RASA2: variants seen among roughly 807,000 people sequenced by gnomAD.
The protein encoded by RASA2 is ras GTPase-activating protein 2.
Under a neutral mutation model 118.2 loss-of-function variants are expected in RASA2, and 155 were observed. The observed-to-expected ratio is 1.31, with a 90% CI of 1.15 to 1.50. RASA2 has a LOEUF of 1.50. RASA2 is among the 40% of genes most tolerant of loss of function. RASA2 has a pLI of 0.00. For missense variants in RASA2, 1,016 were observed against 1,009.6 expected (o/e 1.01, Z -0.09); for synonymous variants, 353 against 349.1 (o/e 1.01, Z -0.12).
chr3:141,514,184 T>C (rs1242017785), intron 2 of RASA2, among the ~76,000 whole-genome samples: 2 of 152,174 alleles, frequency 1.3e-5, no homozygotes, highest in Non-Finnish European at 2.9e-5. Flanking sequence ...ATCCAGAATT[T>C]ATTTAAAAAC....
At position 141,570,908 on chromosome 3, in the gene RASA2, T is replaced by C. The variant is rs201768884; in HGVS notation, c.864-4T>C. ...ACATGGAATCACTTATATTTTTACT[T>C]TAGGTACTTGCTACAGCCAAGAGAC... is the stretch of plus-strand genomic sequence containing the variant. On this transcript the variant is annotated splice_polypyrimidine_tract_variant and splice_region_variant and intron_variant, in intron 9 of 23. Coordinates refer to ENST00000286364, the MANE Select transcript of RASA2 (RefSeq NM_006506.5). 2 of 1,600,698 alleles carry C rather than the reference T, an allele frequency of 1.2e-6. No homozygotes were observed. The highest frequency in any genetic ancestry group is 1.7e-6 in the Non-Finnish European group (2 of 1,175,586).
intron 3 of RASA2, among the ~76,000 whole-genome samples, chr3:141,524,748 G>A (rs546591228): frequency 5.5e-4 from 84 of 151,984 alleles, no homozygotes; most frequent in Admixed American, 2.0e-3. Flanking sequence ...ACACTGCCAC[G>A]CTCGGCTAAT....
intron 5 of RASA2, among the ~76,000 whole-genome samples, chr3:141,548,880 GTTCTCATCA>G (rs2082528116): frequency 6.6e-6 from 1 of 151,984 alleles, no homozygotes; most frequent in Non-Finnish European, 1.5e-5. Context: ...CTCCCCTATT[GTTCTCATCA>G]TTCTTATTTA....
intron 1 of RASA2, among the ~76,000 whole-genome samples, chr3:141,511,168 A>T (rs899303152): frequency 6.6e-6 from 1 of 152,108 alleles, no homozygotes; most frequent in African/African-American, 2.4e-5. Flanking sequence ...AGTAAGAGAG[A>T]AAAATGGTAG....
intron 5 of RASA2, among the ~76,000 whole-genome samples, chr3:141,543,057 A>T (rs1234282852): frequency 6.6e-6 from 1 of 151,938 alleles, no homozygotes; most frequent in African/African-American, 2.4e-5. Context: ...TATTAGGCTT[A>T]AATATGCCAT....
chr3:141,602,812 C>T (rs960829211), intron 19 of RASA2, among the ~76,000 whole-genome samples: 1 of 152,216 alleles, frequency 6.6e-6, no homozygotes, highest in African/African-American at 2.4e-5. Flanking sequence ...AGAATACATT[C>T]AGAGTCACAG....
At chr3:141,505,216 T>A (rs1340583762) in intron 1 of RASA2, among the ~76,000 whole-genome samples, 1 of 152,244 alleles carries the variant, frequency 6.6e-6, no homozygotes, top group East Asian at 1.9e-4. Flanking sequence ...CTGTATATAT[T>A]GTACAACAGT....
intron 5 of RASA2, among the ~76,000 whole-genome samples, chr3:141,548,967 GA>G (rs1180414609): frequency 4.6e-5 from 7 of 152,280 alleles, no homozygotes; most frequent in African/African-American, 1.7e-4. Flanking sequence ...TATAGCTGGA[GA>G]AAATCATGTA....
chr3:141,603,048 G>A (rs2083490900), intron 19 of RASA2, among the ~76,000 whole-genome samples: 2 of 152,308 alleles, frequency 1.3e-5, no homozygotes, highest in South Asian at 4.1e-4. Flanking sequence ...CAGGTAGGAA[G>A]ACCATAAATC....
At chr3:141,563,225 T>G (rs1259835728) in intron 9 of RASA2, among the ~76,000 whole-genome samples, 3 of 152,208 alleles carry the variant, frequency 2.0e-5, no homozygotes, top group African/African-American at 7.2e-5. Context: ...AGTTAAAAAT[T>G]TCTCTTTATT....
chr3:141,571,348 G>A (rs1284003546), intron 10 of RASA2, 58 bp from the exon 11 acceptor site: 2 of 1,560,080 alleles, frequency 1.3e-6, no homozygotes, highest in African/African-American at 2.7e-5. Context: ...GCTAGTGATT[G>A]AACAGTTAAT....
chr3:141,530,220 AT>A (rs1202921304), intron 4 of RASA2, among the ~76,000 whole-genome samples: 1 of 152,048 alleles, frequency 6.6e-6, no homozygotes, highest in Admixed American at 6.6e-5. Context: ...AATGTTATTC[AT>A]TTAAACCCTG....
chr3:141,524,758 T>C (rs1175049805), intron 3 of RASA2, among the ~76,000 whole-genome samples: 2 of 152,078 alleles, frequency 1.3e-5, no homozygotes, highest in Non-Finnish European at 2.9e-5. Flanking sequence ...GCTCGGCTAA[T>C]TTTTTGTATT....
intron 19 of RASA2, among the ~76,000 whole-genome samples, chr3:141,604,516 A>G (rs537577636): frequency 5.5e-4 from 84 of 152,318 alleles, no homozygotes; most frequent in Admixed American, 2.0e-3. Flanking sequence ...TAAAGAAGTC[A>G]TCTGGAATTT....
At chr3:141,494,432 G>T (rs1291683654) in intron 1 of RASA2, among the ~76,000 whole-genome samples, 1 of 152,184 alleles carries the variant, frequency 6.6e-6, no homozygotes, top group Admixed American at 6.5e-5. Context: ...ACCAGGGCAC[G>T]ATCTTGGCTC....
chr3:141,573,197 G>T lies in RASA2; in HGVS notation c.1335G>T (p.Glu445Asp). 2 of 1,539,378 alleles carry T rather than the reference G, an allele frequency of 1.3e-6. No individual in the cohort carries two copies. The highest frequency in any genetic ancestry group is 2.4e-5 in the Admixed American group (1 of 41,220). The change falls in exon 13 of 24, where the codon GAG becomes GAT. Residue 445 changes from glutamate to aspartate, a missense_variant. Physicochemically the swap from Glu to Asp is conservative, Grantham distance 45 (BLOSUM62 2). Transcript: ENST00000286364. ...SCEIDPIKLKEGDNVENNKEN... is the reference protein window; with the variant it reads ...SCEIDPIKLKDGDNVENNKEN... The stretch of plus-strand genomic sequence containing the variant: ...AAATCGATCCTATTAAATTGAAAGA[G>T]GGAGATAATGTAGAAAATAATAAGG...
At chr3:141,514,773 A>G (rs551899076) in intron 2 of RASA2, among the ~76,000 whole-genome samples, 2 of 152,370 alleles carry the variant, frequency 1.3e-5, no homozygotes, top group South Asian at 4.1e-4. Flanking sequence ...AAACAACTCA[A>G]ATAACATCAC....
At chr3:141,577,673 TAACAGTAAA>T (rs1188778006) in intron 15 of RASA2, among the ~76,000 whole-genome samples, 1 of 152,144 alleles carries the variant, frequency 6.6e-6, no homozygotes, top group Non-Finnish European at 1.5e-5. Context: ...GGATAAGCAT[TAACAGTAAA>T]AACAGAAAAA....
chr3:141,495,330 T>A (rs2081686942), intron 1 of RASA2, among the ~76,000 whole-genome samples: 1 of 152,250 alleles, frequency 6.6e-6, no homozygotes, highest in African/African-American at 2.4e-5. Context: ...GAGTCCATCC[T>A]GTTAACTCTT....
Sources: allele counts gnomAD v4.1 joint callset (sites outside exome capture counted in the v4.1 genomes callset), GRCh38; gene constraint gnomAD v4.1.1; transcripts MANE v1.5; gene names NCBI Gene and HGNC (gene_info 2026-07-23, HGNC 2026-07-21).